Variants in ZFAND3 observed in about 807,000 individuals in gnomAD.
ZFAND3 encodes the protein zinc finger AN1-type containing 3.
A neutral mutation model predicts 29.6 loss-of-function variants in ZFAND3; 10 were observed. The observed-to-expected ratio is 0.34, with a 90% CI of 0.21 to 0.57. The LOEUF is 0.57. Ranked by LOEUF, ZFAND3 falls within the 20% of genes least tolerant of loss-of-function variation. The pLI is 0.86. For missense variants in ZFAND3, 230 were observed against 304.5 expected (o/e 0.76, Z 1.82); for synonymous variants, 128 against 112.6 (o/e 1.14, Z -0.87).
At chr6:37,903,994 T>C (rs1359066117) in intron 1 of ZFAND3, among the ~76,000 whole-genome samples, 1 of 152,228 alleles carries the variant, frequency 6.6e-6, no homozygotes, top group Non-Finnish European at 1.5e-5. Flanking sequence ...CTACAGTTTT[T>C]GCTTTTCTGG....
intron 3 of ZFAND3, among the ~76,000 whole-genome samples, chr6:38,069,923 C>T (rs1405390316): frequency 1.3e-5 from 2 of 152,172 alleles, no homozygotes; most frequent in Non-Finnish European, 2.9e-5. Flanking sequence ...ACTTTTAATC[C>T]TATTTTTAAG....
chr6:38,082,391 G>T lies in ZFAND3; in HGVS notation c.296-1G>T, dbSNP rs1158242729. 2 of 1,611,118 alleles carry T rather than the reference G, an allele frequency of 1.2e-6. No homozygotes were observed. The highest frequency in any genetic ancestry group is 1.7e-6 in the Non-Finnish European group (2 of 1,178,494). The stretch of plus-strand genomic sequence containing the variant: ...TGATGCACCTGCCTTTCTGTTTCTA[G>T]GTGGGCCATGCACAGACACAGCTCA... On this transcript the variant is annotated splice_acceptor_variant, in intron 3 of 5. Coordinates refer to ENST00000287218, the MANE Select transcript of ZFAND3 (RefSeq NM_021943.3). LOFTEE classifies it high-confidence loss of function.
chr6:37,855,387 G>A (rs926133246), intron 1 of ZFAND3, among the ~76,000 whole-genome samples: 9 of 151,290 alleles, frequency 5.9e-5, no homozygotes, highest in Non-Finnish European at 1.3e-4. Context: ...CCTGACCTCA[G>A]GTGATCCACT....
chr6:37,943,084 A>G (rs771243514), intron 2 of ZFAND3, among the ~76,000 whole-genome samples: 11 of 152,062 alleles, frequency 7.2e-5, no homozygotes, highest in Non-Finnish European at 2.9e-5. Context: ...ATGTAGGAGT[A>G]TCATGTTGAA....
intron 4 of ZFAND3, among the ~76,000 whole-genome samples, chr6:38,115,992 C>T (rs906196030): frequency 1.3e-5 from 2 of 152,164 alleles, no homozygotes; most frequent in Admixed American, 6.5e-5. Flanking sequence ...TCAAATTGAA[C>T]TAATTGTCAG....
intron 1 of ZFAND3, among the ~76,000 whole-genome samples, chr6:37,901,760 A>G (rs1023030378): frequency 6.6e-6 from 1 of 152,234 alleles, no homozygotes; most frequent in Non-Finnish European, 1.5e-5. Flanking sequence ...TGAAGGTTTG[A>G]TACTCACTTC....
chr6:38,065,866 A>G (rs980311818), intron 3 of ZFAND3, among the ~76,000 whole-genome samples: 2 of 152,266 alleles, frequency 1.3e-5, no homozygotes, highest in East Asian at 3.8e-4. Context: ...AGTGGTTTGT[A>G]TATTCATTTA....
chr6:37,828,848 C>T (rs974582970), intron 1 of ZFAND3, among the ~76,000 whole-genome samples: 1 of 152,096 alleles, frequency 6.6e-6, no homozygotes, highest in Admixed American at 6.5e-5. Context: ...GACGGGGTTT[C>T]ACCGTGTTAG....
Position 37,983,343 on chromosome 6 carries a change from C to CTTTTTTTTTTTTTTT in ZFAND3, c.112+53360_112+53374dup, listed in dbSNP as rs70981516. The stretch of plus-strand genomic sequence containing the variant: ...CCTATACAGGTGTACCAGTTTTTAT[C>CTTTTTTTTTTTTTTT]TTTTTTTTTTTTTTTTTTTTTTTTT... On this transcript the variant is annotated intron_variant, in intron 2 of 5. Transcript: ENST00000287218. Among the ~76,000 whole-genome samples the CTTTTTTTTTTTTTTT allele has an allele frequency of 1.8e-4, 9 of 50,048 alleles. 1 individual carries two copies. The highest frequency in any genetic ancestry group is 7.3e-4 in the African/African-American group (9 of 12,362). 32.8% of individuals were successfully genotyped at this position (50,048 alleles called of 152,430 possible).
rs1762453910 is a variant in ZFAND3 at position 37,974,882 on chromosome 6, C to T, written c.112+44883C>T. The stretch of plus-strand genomic sequence containing the variant: ...TTTGGTGGCTTTGAGCTCCTGAACT[C>T]ATGTAGTCCTCCTACCTCAGCCTCC... On this transcript the variant is annotated intron_variant, in intron 2 of 5. Transcript: ENST00000287218. Among the ~76,000 whole-genome samples the T allele has an allele frequency of 2.0e-5, 3 of 152,166 alleles. No individual in the cohort carries two copies. In the South Asian group the frequency reaches 6.2e-4, roughly 32 times the overall value.
intron 1 of ZFAND3, among the ~76,000 whole-genome samples, chr6:37,877,964 A>G (rs1764824240): frequency 6.6e-6 from 1 of 152,214 alleles, no homozygotes; most frequent in African/African-American, 2.4e-5. Context: ...TTCGTGGAGA[A>G]CAGATTTTAG....
chr6:38,091,767 A>G (rs902474785), intron 4 of ZFAND3, among the ~76,000 whole-genome samples: 1 of 151,662 alleles, frequency 6.6e-6, no homozygotes, highest in Non-Finnish European at 1.5e-5. Flanking sequence ...CTGTAAATAA[A>G]AGTTATTACA....
At chr6:38,103,730 A>G (rs1423339512) in intron 4 of ZFAND3, among the ~76,000 whole-genome samples, 4 of 152,308 alleles carry the variant, frequency 2.6e-5, no homozygotes, top group East Asian at 3.9e-4. Context: ...ACTTGGGGCC[A>G]AGGAACAGAT....
chr6:38,149,402 C>T (rs1301324565), intron 5 of ZFAND3, among the ~76,000 whole-genome samples: 1 of 143,876 alleles, frequency 7.0e-6, no homozygotes, highest in Non-Finnish European at 1.5e-5. Context: ...CAGAGCAAGA[C>T]CCTGTCTCAA....
At chr6:37,943,833 T>G (rs1484974034) in intron 2 of ZFAND3, among the ~76,000 whole-genome samples, 2 of 152,198 alleles carry the variant, frequency 1.3e-5, no homozygotes, top group Non-Finnish European at 2.9e-5. Flanking sequence ...CAAAGTAAAC[T>G]GAAGTGGTGA....
At chr6:38,038,584 A>C (rs1229646175) in intron 2 of ZFAND3, among the ~76,000 whole-genome samples, 1 of 152,142 alleles carries the variant, frequency 6.6e-6, no homozygotes, top group Admixed American at 6.5e-5. Flanking sequence ...AGGGTCTCTA[A>C]AGACATTCAT....
In ZFAND3 at chr6:38,154,379, G is replaced by GA. The variant is rs1766307825; in HGVS notation, c.*1990_*1991insA. 1 of 679,950 alleles carries GA rather than the reference G, an allele frequency of 1.5e-6. No homozygotes were observed. 42.1% of individuals were successfully genotyped at this position (679,950 alleles called of 1,614,324 possible). ...TCGCTTCCTGACTTAGAGCTGGGGGGGGTGGGGGGTGGGGCTTGTTCCCCT... is the reference window on the plus strand; with the variant it reads ...TCGCTTCCTGACTTAGAGCTGGGGGGAGGTGGGGGGTGGGGCTTGTTCCCCT... On this transcript the variant is annotated 3_prime_UTR_variant, in exon 6 of 6. Coordinates refer to ENST00000287218, the MANE Select transcript of ZFAND3 (RefSeq NM_021943.3).
chr6:37,976,392 A>T (rs112895116), intron 2 of ZFAND3, among the ~76,000 whole-genome samples: 1 of 151,970 alleles, frequency 6.6e-6, no homozygotes, highest in South Asian at 2.1e-4. Context: ...GACCAGACTG[A>T]CCAACATGGT....
chr6:38,017,063 C>G (rs2127446171), intron 2 of ZFAND3, among the ~76,000 whole-genome samples: 1 of 152,308 alleles, frequency 6.6e-6, no homozygotes, highest in African/African-American at 2.4e-5. Context: ...ACATTGCTAT[C>G]TGATGAGATT....
Sources: allele counts gnomAD v4.1 joint callset (sites outside exome capture counted in the v4.1 genomes callset), GRCh38; gene constraint gnomAD v4.1.1; transcripts MANE v1.5; gene names NCBI Gene and HGNC (gene_info 2026-07-23, HGNC 2026-07-21).